The following QTMAN variants were observed in gnomAD, a reference collection of about 807,000 sequenced individuals.
QTMAN encodes tRNA-queuosine alpha-mannosyltransferase.
chr2:144,101,594 G>C, the QTMAN span, among the ~76,000 whole-genome samples: 2 of 152,050 alleles, frequency 1.3e-5, no homozygotes, highest in East Asian at 3.9e-4. Context: ...ATTCTATAAT[G>C]TGAATACAGC....
the QTMAN span, among the ~76,000 whole-genome samples, chr2:144,078,102 T>C: frequency 1.3e-5 from 2 of 152,214 alleles, 1 homozygote; most frequent in Admixed American, 1.3e-4. Flanking sequence ...GAAAGCATGC[T>C]ATAGCACTCT....
chr2:144,259,484 T>G, the QTMAN span, among the ~76,000 whole-genome samples: 1 of 152,150 alleles, frequency 6.6e-6, no homozygotes, highest in Non-Finnish European at 1.5e-5. Flanking sequence ...TGAAGCCAAC[T>G]GGATTTATTA....
At chr2:143,977,076 T>C in the QTMAN span, among the ~76,000 whole-genome samples, 1 of 152,202 alleles carries the variant, frequency 6.6e-6, no homozygotes. Context: ...CTGAATACAA[T>C]ACGCTCTCAT....
the QTMAN span, among the ~76,000 whole-genome samples, chr2:143,976,654 G>C: frequency 6.6e-6 from 1 of 152,206 alleles, no homozygotes. Context: ...GTGTGTCATA[G>C]TGCTTTGAAC....
the QTMAN span, chr2:144,332,625 G>A: frequency 6.6e-6 from 1 of 150,986 alleles, no homozygotes; most frequent in African/African-American, 2.4e-5. Context: ...GCGCAATCGA[G>A]GCTCCGCCTC....
the QTMAN span, among the ~76,000 whole-genome samples, chr2:144,141,355 A>C: frequency 6.6e-6 from 1 of 151,826 alleles, no homozygotes; most frequent in African/African-American, 2.4e-5. Flanking sequence ...AAGAAAGAGA[A>C]ATGGCAATTA....
chr2:143,964,079 T>C, the QTMAN span: 1 of 152,128 alleles, frequency 6.6e-6, no homozygotes, highest in African/African-American at 2.4e-5. Context: ...CCATAAACAT[T>C]GTAAATAATG....
chr2:144,105,474 C>T, the QTMAN span, among the ~76,000 whole-genome samples: 396 of 152,096 alleles, frequency 2.6e-3, 1 homozygote, highest in Non-Finnish European at 4.5e-3. Context: ...TTTCAGTAGC[C>T]GATTCAATCA....
chr2:144,049,978 G>A, the QTMAN span, among the ~76,000 whole-genome samples: 1 of 152,118 alleles, frequency 6.6e-6, no homozygotes, highest in African/African-American at 2.4e-5. Flanking sequence ...AAGAAATAAA[G>A]AGTTATAAAA....
chr2:144,119,825 A>G, the QTMAN span, among the ~76,000 whole-genome samples: 1 of 152,180 alleles, frequency 6.6e-6, no homozygotes, highest in Admixed American at 6.5e-5. Flanking sequence ...CTGTGCCTCT[A>G]GAATATAAGC....
chr2:144,055,083 T>C, the QTMAN span, among the ~76,000 whole-genome samples: 1 of 152,192 alleles, frequency 6.6e-6, no homozygotes, highest in Non-Finnish European at 1.5e-5. Flanking sequence ...AAGAAGAAGA[T>C]AAAAAATGAA....
chr2:143,981,446 C>T, the QTMAN span, among the ~76,000 whole-genome samples: 3 of 151,866 alleles, frequency 2.0e-5, no homozygotes, highest in East Asian at 1.9e-4. Context: ...CAGTTGTGGA[C>T]ATTTTGTCAT....
chr2:144,179,106 T>C, the QTMAN span: 1 of 335,618 alleles, frequency 3.0e-6, no homozygotes, highest in South Asian at 2.4e-5. Context: ...TACCCTCAAC[T>C]AGAATTGAGT....
At chr2:144,043,986 A>C in the QTMAN span, among the ~76,000 whole-genome samples, 1 of 152,338 alleles carries the variant, frequency 6.6e-6, no homozygotes, top group South Asian at 2.1e-4. Context: ...AGCAGGAGAC[A>C]GGTTATTATT....
the QTMAN span, among the ~76,000 whole-genome samples, chr2:144,052,825 A>G: frequency 2.0e-4 from 31 of 152,192 alleles, no homozygotes; most frequent in Non-Finnish European, 2.9e-5. Context: ...CTAATTTTAT[A>G]TTTTTAGTAG....
At chr2:143,967,541 G>A in the QTMAN span, among the ~76,000 whole-genome samples, 2 of 152,084 alleles carry the variant, frequency 1.3e-5, no homozygotes, top group African/African-American at 4.8e-5. Context: ...ATGTTGGCCA[G>A]GCTGGTCTTG....
the QTMAN span, among the ~76,000 whole-genome samples, chr2:143,991,236 T>TA: frequency 3.9e-5 from 6 of 152,324 alleles, no homozygotes; most frequent in African/African-American, 1.2e-4. Context: ...AGATCCAACT[T>TA]AAAGATTTAA....
chr2:143,996,282 G>T, the QTMAN span, among the ~76,000 whole-genome samples: 1 of 152,106 alleles, frequency 6.6e-6, no homozygotes, highest in South Asian at 2.1e-4. Flanking sequence ...AAGTGGGTGA[G>T]AAATTCTTAT....
chr2:144,214,391 T>C, the QTMAN span, among the ~76,000 whole-genome samples: 1 of 152,156 alleles, frequency 6.6e-6, no homozygotes, highest in Non-Finnish European at 1.5e-5. Flanking sequence ...GTCATAAAAC[T>C]CTATGCACTG....
Sources: allele counts gnomAD v4.1 joint callset (sites outside exome capture counted in the v4.1 genomes callset), GRCh38; gene constraint gnomAD v4.1.1; transcripts MANE v1.5; gene names NCBI Gene and HGNC (gene_info 2026-07-23, HGNC 2026-07-21).